WNT7B: variants seen among roughly 807,000 people sequenced by gnomAD.
WNT7B encodes Wnt family member 7B.
In WNT7B, 19 loss-of-function variants were observed where a neutral mutation model predicts 38.2. That is an observed-to-expected ratio of 0.50 (90% CI 0.35 to 0.73). The LOEUF (loss-of-function observed/expected upper bound fraction) is 0.73, where lower values mean the gene tolerates loss of function less well. Among genes scored for constraint, WNT7B ranks in the 30% least tolerant of loss-of-function variants. The pLI, the probability that WNT7B is intolerant of heterozygous loss-of-function variation, is 0.01. For synonymous variants in WNT7B, 243 were observed against 209.3 expected (o/e 1.16, Z -1.39); for missense variants, 423 against 507.9 (o/e 0.83, Z 1.61).
intron 1 of WNT7B, among the ~76,000 whole-genome samples, chr22:45,955,047 T>A (rs1386644460): frequency 2.0e-5 from 3 of 152,274 alleles, no homozygotes; most frequent in Non-Finnish European, 4.4e-5. Flanking sequence ...GAGCAGGCAC[T>A]GTGTCGGCTT....
At chr22:45,961,753 G>A (rs372822101) in intron 1 of WNT7B, among the ~76,000 whole-genome samples, 20 of 152,212 alleles carry the variant, frequency 1.3e-4, no homozygotes, top group African/African-American at 4.8e-4. Context: ...TGTAGTGAGG[G>A]GCTGAGGTGA....
chr22:45,975,635 C>T lies in WNT7B; in HGVS notation c.71+1049G>A. 2.8e-6 allele frequency: 2 copies of T among 713,122 alleles called. No homozygotes were observed. Among genetic ancestry groups the T allele is most frequent in the East Asian group, 5.4e-5 (2 of 37,230 alleles). The allele number at this position is 713,122 out of a possible 1,614,324, so 44.2% of individuals were successfully genotyped here. A position where few individuals can be genotyped will look rare whatever the true frequency, so the allele number is the denominator to read the frequency against. On this transcript the variant is annotated intron_variant, in intron 1 of 3. Coordinates refer to ENST00000339464, the MANE Select transcript of WNT7B (RefSeq NM_058238.3). This position sits in a 1 kb window ranked among gnomAD's most constrained non-coding sequence, Gnocchi z 6.6. ...CACCTCTCCGCCTGGGAAGCCGCGT[C>T]TCCCACCAGTGGTACCTGCACCTGC...
chr22:45,922,881 C>G lies in WNT7B; in HGVS notation c.1025G>C (p.Arg342Pro), dbSNP rs764281861. ...TCACTTGCAGGTGAAGACCTCGGTG[C>G]GCTCGCTGCAGGTGTTGCACTTGAC... is the stretch of plus-strand genomic sequence containing the variant. The part of the protein sequence containing the change: ...CFVKCNTCSE[R>P]TEVFTCK The change falls in exon 4 of 4, where the codon CGC becomes CCC. Residue 342 changes from arginine (R) to proline (P), a missense_variant. By Grantham distance (103) the Arg-to-Pro change is moderately radical. Around this residue, in one of 3 missense-constraint regions of WNT7B, gnomAD observed 158 missense variants for 214.7 expected, o/e 0.74. Coordinates refer to ENST00000339464, the MANE Select transcript of WNT7B (RefSeq NM_058238.3). 1 of 1,583,234 alleles carries G rather than the reference C, an allele frequency of 6.3e-7. No individual in the cohort carries two copies.
intron 2 of WNT7B, among the ~76,000 whole-genome samples, chr22:45,935,379 G>A (rs1025167012): frequency 2.0e-5 from 3 of 152,188 alleles, no homozygotes; most frequent in African/African-American, 7.2e-5. Flanking sequence ...AGCGTGGCCT[G>A]CCTGCAGGTT....
In WNT7B at chr22:45,965,739, C is replaced by T. The variant is rs947383630; in HGVS notation, c.71+10945G>A. Among the ~76,000 whole-genome samples, 4 of 152,210 alleles carry T rather than the reference C, an allele frequency of 2.6e-5. No individual in the cohort carries two copies. Among genetic ancestry groups the T allele is most frequent in the African/African-American group, 9.6e-5 (4 of 41,452 alleles). On this transcript the variant is annotated intron_variant, in intron 1 of 3. Transcript: ENST00000339464. The surrounding 1 kb of genome is among the most constrained non-coding windows in gnomAD (Gnocchi z 6.5). ...GCTTCCCATACCCGCAGGACAGCTG[C>T]ACCTCTGGTCCCAAAGCTAAACTTG...
chr22:45,975,427 G>A lies in WNT7B; in HGVS notation c.71+1257C>T, dbSNP rs956094766. On this transcript the variant is annotated intron_variant, in intron 1 of 3. Coordinates refer to ENST00000339464, the MANE Select transcript of WNT7B (RefSeq NM_058238.3). This position sits in a 1 kb window ranked among gnomAD's most constrained non-coding sequence, Gnocchi z 6.6. Reference sequence around the variant, plus strand: ...CAGACCTATGATAAACGGGGCTACCGGCAGCCGCAGACACGCCCGCCCAGA... The same window carrying A: ...CAGACCTATGATAAACGGGGCTACCAGCAGCCGCAGACACGCCCGCCCAGA... 14 of 632,412 alleles carry A rather than the reference G, an allele frequency of 2.2e-5. No homozygotes were observed. Among genetic ancestry groups the A allele is most frequent in the South Asian group, 1.8e-4 (10 of 56,768 alleles). 39.2% of individuals were successfully genotyped at this position (632,412 alleles called of 1,614,324 possible).
chr22:45,922,925 T>C lies in WNT7B; in HGVS notation c.981A>G (p.Lys327=), dbSNP rs754935814. 1.2e-6 allele frequency: 2 copies of C among 1,612,700 alleles called. No individual in the cohort carries two copies. The highest frequency in any genetic ancestry group is 1.7e-6 in the Non-Finnish European group (2 of 1,179,394). The part of the protein sequence containing the change: ...QYTKVWQCNC[K]FHWCCFVKCN... The stretch of plus-strand genomic sequence containing the variant: ...ACTTGACGAAGCAGCACCAGTGGAA[T>C]TTGCAGTTGCACTGCCACACCTTGG... The change falls in exon 4 of 4, where the codon AAA becomes AAG. Residue 327 remains lysine, a synonymous_variant. Coordinates refer to ENST00000339464, the MANE Select transcript of WNT7B (RefSeq NM_058238.3).
intron 3 of WNT7B, among the ~76,000 whole-genome samples, chr22:45,929,650 A>ATTT (rs1931240731): frequency 8.9e-6 from 1 of 112,230 alleles, no homozygotes; most frequent in Admixed American, 1.1e-4. Context: ...CCACTCATCC[A>ATTT]TCCTTCCACC....
At chr22:45,952,964 G>A (rs1022383104) in intron 1 of WNT7B, among the ~76,000 whole-genome samples, 8 of 152,216 alleles carry the variant, frequency 5.3e-5, no homozygotes, top group Non-Finnish European at 8.8e-5. Context: ...CCTGGCTGCT[G>A]CCCCTTCTCC....
intron 3 of WNT7B, chr22:45,927,421 G>C: frequency 6.5e-7 from 1 of 1,542,778 alleles, no homozygotes; most frequent in Non-Finnish European, 8.7e-7. Flanking sequence ...ACACCAGCCT[G>C]GGCCACATGC....
rs781610500 is a variant in WNT7B at position 45,931,163 on chromosome 22, C to G, written c.505G>C (p.Ala169Pro). ...CGCGCGTTCTTCTTGATCTCCCGAGCGTCCACGAAGCGCCGGGAGAAGTCG... is the reference window on the plus strand; with the variant it reads ...CGCGCGTTCTTCTTGATCTCCCGAGGGTCCACGAAGCGCCGGGAGAAGTCG... ...GIDFSRRFVD[A>P]REIKKNARRL... Residue 169 changes from alanine to proline, a missense_variant, in exon 3 of 4, where the codon GCT becomes CCT. This residue lies in a region of WNT7B where 132 missense variants were observed against 113.4 expected (regional missense o/e 1.16). Coordinates refer to ENST00000339464, the MANE Select transcript of WNT7B (RefSeq NM_058238.3). 1 of 1,599,382 alleles carries G rather than the reference C, an allele frequency of 6.3e-7. No individual in the cohort carries two copies. Among genetic ancestry groups the G allele is most frequent in the Non-Finnish European group, 8.5e-7 (1 of 1,179,308 alleles).
Position 45,922,700 on chromosome 22 carries a change from C to A in WNT7B, c.*156G>T. On this transcript the variant is annotated 3_prime_UTR_variant, in exon 4 of 4. Transcript: ENST00000339464. ...GAGCCCCAGGGAGGCGGGCAGAGGG[C>A]GTGGGCCCCGGCCGGTGCCCTCCTG... 1 of 1,228,034 alleles carries A rather than the reference C, an allele frequency of 8.1e-7. No homozygotes were observed. The highest frequency in any genetic ancestry group is 1.1e-6 in the Non-Finnish European group (1 of 907,582). 76.1% of individuals were successfully genotyped at this position (1,228,034 alleles called of 1,614,324 possible).
rs9777971 is a variant in WNT7B at position 45,950,546 on chromosome 22, A to T, written c.72-400T>A. Among the ~76,000 whole-genome samples, 1,112 of 152,194 alleles carry T rather than the reference A, an allele frequency of 7.3e-3. 8 individuals carry two copies. Among genetic ancestry groups the T allele is most frequent in the African/African-American group, 0.025 (1,047 of 41,508 alleles). On this transcript the variant is annotated intron_variant, in intron 1 of 3. Coordinates refer to ENST00000339464, the MANE Select transcript of WNT7B (RefSeq NM_058238.3). ...CGCTGTCTCTAAGCGGCAGACCCCA[A>T]CTCCCCGACCAATGGGGCTTTCCCC...
At position 45,976,853 on chromosome 22, in the gene WNT7B, C is replaced by A; in HGVS notation, c.-99G>T. 1 of 1,085,846 alleles carries A rather than the reference C, an allele frequency of 9.2e-7. No homozygotes were observed. The allele number at this position is 1,085,846 out of a possible 1,614,324, so 67.3% of individuals were successfully genotyped here. ...GGGCCAGGGGGCTGCGGGCAGACTG[C>A]GCTCAGCCCGCGCTGCGGCTCGGGC... On this transcript the variant is annotated 5_prime_UTR_variant, in exon 1 of 4. Coordinates refer to ENST00000339464, the MANE Select transcript of WNT7B (RefSeq NM_058238.3). This position sits in a 1 kb window ranked among gnomAD's most constrained non-coding sequence, Gnocchi z 8.5.
chr22:45,929,923 C>CCCACTCATCCTT (rs879760578), intron 3 of WNT7B, among the ~76,000 whole-genome samples: 26,139 of 102,246 alleles, frequency 0.26, 2,359 homozygotes, highest in African/African-American at 0.34. Context: ...CATCTATCCT[C>CCCACTCATCCTT]CCATCCACCC....
Position 45,949,120 on chromosome 22 carries a change from C to T in WNT7B, c.298+800G>A, listed in dbSNP as rs111820893. On this transcript the variant is annotated intron_variant, in intron 2 of 3. Coordinates refer to ENST00000339464, the MANE Select transcript of WNT7B (RefSeq NM_058238.3). ...TGCTGGGATTACAGGCATGAGCCAC[C>T]AGGTCCGGCCCAAAAGTCACTTTTT... Among the ~76,000 whole-genome samples the T allele has an allele frequency of 3.5e-3, 539 of 152,244 alleles. 4 individuals carry two copies. The highest frequency in any genetic ancestry group is 0.013 in the African/African-American group (522 of 41,538).
chr22:45,950,190 G>GCGC (rs1569119579), intron 1 of WNT7B, 44 bp from the exon 2 acceptor site: 1 of 1,546,354 alleles, frequency 6.5e-7, no homozygotes. Context: ...GCGGCGGCCA[G>GCGC]CGCCCCTCCT....
chr22:45,925,235 G>C, intron 3 of WNT7B: 1 of 984,830 alleles, frequency 1.0e-6, no homozygotes, highest in Non-Finnish European at 1.2e-6. Context: ...CTCATCAGGT[G>C]GGTGCTGTGT....
chr22:45,932,018 T>C (rs1406032715), intron 2 of WNT7B, among the ~76,000 whole-genome samples: 3 of 152,134 alleles, frequency 2.0e-5, no homozygotes, highest in Non-Finnish European at 4.4e-5. Flanking sequence ...TTTTCCTCAC[T>C]TCCTCCTAAT....
Sources: gnomAD v4.1 joint callset for allele counts (sites outside exome capture counted in the v4.1 genomes callset) on GRCh38, gnomAD v4.1.1 for gene constraint, gnomAD v4.1.1 regional missense constraint, Gnocchi (gnomAD v3.1) non-coding constraint, MANE v1.5 for transcripts, NCBI Gene and HGNC (gene_info 2026-07-23, HGNC 2026-07-21) for gene names.